Variants in PTER observed in about 807,000 individuals in gnomAD.
PTER encodes N-acetyltaurine hydrolase.
In PTER, 38 loss-of-function variants were observed where a neutral mutation model predicts 29.6. The observed-to-expected ratio is 1.28, with a 90% CI of 0.99 to 1.68. PTER has a LOEUF of 1.68. Ranked by LOEUF, PTER falls within the 40% of genes most tolerant of loss-of-function variation. The probability of loss-of-function intolerance (pLI) is 0.00; values close to 1 mark genes in which losing one functional copy is unlikely to be tolerated. For synonymous variants in PTER, 172 were observed against 154.5 expected, an observed-to-expected ratio of 1.11 and a Z score of -0.84; for missense variants, 482 against 427.8, an observed-to-expected ratio of 1.13 and a Z score of -1.12.
chr10:16,463,899 G>T (rs1209838050), intron 1 of PTER, among the ~76,000 whole-genome samples: 1 of 152,150 alleles, frequency 6.6e-6, no homozygotes, highest in Non-Finnish European at 1.5e-5. Context: ...CATCATCCTT[G>T]TCTCAATAAT....
intron 1 of PTER, among the ~76,000 whole-genome samples, chr10:16,438,059 G>C (rs563812518): frequency 1.3e-5 from 2 of 152,202 alleles, no homozygotes; most frequent in South Asian, 4.1e-4. Flanking sequence ...AGGCTGGAGT[G>C]CAGTGGTGCG....
chr10:16,504,883 G>C lies in PTER; in HGVS notation c.699-137G>C. The stretch of plus-strand genomic sequence containing the variant: ...TACTGTTTTATACTCACATCATTAA[G>C]AGCCATTTCAGAAGTGTCTGTTACT... On this transcript the variant is annotated intron_variant, in intron 3 of 4. Coordinates refer to ENST00000535784, the MANE Select transcript of PTER (RefSeq NM_001261836.2). The C allele has an allele frequency of 3.4e-6, 3 of 880,968 alleles. No homozygotes were observed. The East Asian group carries it at 7.5e-5, about 22-fold the overall frequency. 54.6% of individuals were successfully genotyped at this position (880,968 alleles called of 1,614,324 possible).
Position 16,511,497 on chromosome 10 carries a change from A to T in PTER, c.*241A>T, listed in dbSNP as rs1210618710. ...TAACAAAATAAATACAGAAGTACCT[A>T]TTTCTAAACAATGATTTAAAGTCTA... On this transcript the variant is annotated 3_prime_UTR_variant, in exon 5 of 5. Transcript: ENST00000535784. 284 of 499,350 alleles carry T rather than the reference A, an allele frequency of 5.7e-4. 3 individuals are homozygous for T. Among genetic ancestry groups the T allele is most frequent in the Non-Finnish European group, 7.9e-5 (22 of 278,658 alleles). 30.9% of individuals were successfully genotyped at this position (499,350 alleles called of 1,614,324 possible).
chr10:16,459,877 G>A (rs527680906), intron 1 of PTER, among the ~76,000 whole-genome samples: 13 of 152,146 alleles, frequency 8.5e-5, no homozygotes, highest in African/African-American at 3.1e-4. Context: ...CCTCCTGAGT[G>A]GCTGGGATTA....
intron 1 of PTER, among the ~76,000 whole-genome samples, chr10:16,474,243 C>G (rs1053623019): frequency 6.6e-6 from 1 of 152,012 alleles, no homozygotes; most frequent in African/African-American, 2.4e-5. Flanking sequence ...TAATAGAGGA[C>G]CTTGGTTAAA....
chr10:16,492,899 G>A (rs1835952316), intron 3 of PTER, among the ~76,000 whole-genome samples: 1 of 152,222 alleles, frequency 6.6e-6, no homozygotes, highest in East Asian at 1.9e-4. Context: ...CTGGCCGACA[G>A]CACATTTTAT....
chr10:16,514,627 C>T (rs1276483190), downstream of PTER: 31 of 1,613,632 alleles, frequency 1.9e-5, no homozygotes, highest in Middle Eastern at 1.6e-4. Flanking sequence ...CTTCATCTCC[C>T]GGCTCCAAAT....
At chr10:16,509,197 A>G (rs1836715460) in intron 4 of PTER, among the ~76,000 whole-genome samples, 3 of 152,156 alleles carry the variant, frequency 2.0e-5, no homozygotes, top group African/African-American at 7.2e-5. Context: ...TAATGGCACA[A>G]CAGGAGAGAT....
intron 1 of PTER, among the ~76,000 whole-genome samples, chr10:16,451,978 T>C (rs1834226393): frequency 6.6e-6 from 1 of 152,158 alleles, no homozygotes; most frequent in African/African-American, 2.4e-5. Flanking sequence ...TATGCCTGTG[T>C]ACTACCTTTA....
intron 3 of PTER, among the ~76,000 whole-genome samples, chr10:16,504,047 A>G (rs957573420): frequency 1.3e-5 from 2 of 151,798 alleles, no homozygotes; most frequent in African/African-American, 2.4e-5. Context: ...CCTTCATGCA[A>G]TGTCTTCCTT....
At chr10:16,510,818 G>A (rs913633551) in intron 4 of PTER, among the ~76,000 whole-genome samples, 2 of 152,160 alleles carry the variant, frequency 1.3e-5, no homozygotes, top group Admixed American at 1.3e-4. Flanking sequence ...AAATGTCACA[G>A]GTTAGAAATT....
chr10:16,444,939 G>T (rs1439685518), intron 1 of PTER, among the ~76,000 whole-genome samples: 1 of 151,988 alleles, frequency 6.6e-6, no homozygotes. Context: ...TAAAACTTGG[G>T]GTTTTGAATG....
intron 1 of PTER, among the ~76,000 whole-genome samples, chr10:16,438,256 G>A (rs990316107): frequency 2.0e-5 from 3 of 151,662 alleles, no homozygotes; most frequent in Non-Finnish European, 2.9e-5. Flanking sequence ...CACCCACCTC[G>A]GCCTCCTAAA....
chr10:16,507,442 G>A (rs1158707548), intron 4 of PTER, among the ~76,000 whole-genome samples: 1 of 152,120 alleles, frequency 6.6e-6, no homozygotes, highest in African/African-American at 2.4e-5. Context: ...AAGTAGCAAA[G>A]CTGGAATTGA....
intron 3 of PTER, among the ~76,000 whole-genome samples, chr10:16,492,297 G>A (rs1835927983): frequency 6.6e-6 from 1 of 152,152 alleles, no homozygotes. Flanking sequence ...TTGGAAAAGA[G>A]CACCTGGCAC....
At chr10:16,438,904 G>C (rs1292949717) in intron 1 of PTER, among the ~76,000 whole-genome samples, 2 of 132,316 alleles carry the variant, frequency 1.5e-5, no homozygotes, top group Non-Finnish European at 3.1e-5. Flanking sequence ...CTGGGTGTCA[G>C]AGCAAGACTC....
Position 16,484,310 on chromosome 10 carries a change from GTTGTTTGT to G in PTER, c.-48-12_-48-5del, listed in dbSNP as rs529714099. The G allele has an allele frequency of 5.9e-4, 799 of 1,345,916 alleles. 3 individuals carry two copies. Among genetic ancestry groups the G allele is most frequent in the Non-Finnish European group, 6.6e-4 (644 of 979,774 alleles). The allele number at this position is 1,345,916 out of a possible 1,614,324, so 83.4% of individuals were successfully genotyped here. A position where few individuals can be genotyped will look rare whatever the true frequency, so the allele number is the denominator to read the frequency against. ...GTGTGTGTTAAATATTCTGATTGTA[GTTGTTTGT>G]TTGTTTGTTTGTTTTTAGAAAAAAG... is the stretch of plus-strand genomic sequence containing the variant. On this transcript the variant is annotated intron_variant, in intron 1 of 4. Transcript: ENST00000535784.
intron 1 of PTER, among the ~76,000 whole-genome samples, chr10:16,474,621 G>C (rs1341578360): frequency 6.6e-6 from 1 of 152,012 alleles, no homozygotes; most frequent in Non-Finnish European, 1.5e-5. Context: ...GGCTTCGTGG[G>C]TGACAACTGT....
intron 4 of PTER, among the ~76,000 whole-genome samples, chr10:16,506,526 A>C (rs1836573145): frequency 6.6e-6 from 1 of 152,202 alleles, no homozygotes; most frequent in South Asian, 2.1e-4. Flanking sequence ...ATAGATGTTG[A>C]CTTTAAAAAC....
Sources: gnomAD v4.1 joint callset for allele counts (sites outside exome capture counted in the v4.1 genomes callset) on GRCh38, gnomAD v4.1.1 for gene constraint, MANE v1.5 for transcripts, NCBI Gene and HGNC (gene_info 2026-07-23, HGNC 2026-07-21) for gene names.